TNR: variants seen among roughly 807,000 people sequenced by gnomAD.
TNR encodes the protein tenascin R.
A neutral mutation model predicts 150.4 loss-of-function variants in TNR; 45 were observed. The observed-to-expected ratio is 0.30, with a 90% CI of 0.24 to 0.38. The LOEUF (loss-of-function observed/expected upper bound fraction) is 0.38. Ranked by LOEUF, TNR falls within the 10% of genes least tolerant of loss-of-function variation. The pLI is 1.00. For synonymous variants in TNR, 687 were observed against 678.4 expected (o/e 1.01, Z -0.20); for missense variants, 1,544 against 1,759.1 (o/e 0.88, Z 2.19).
At chr1:175,447,842 A>G (rs1480334549) in intron 2 of TNR, among the ~76,000 whole-genome samples, 1 of 152,210 alleles carries the variant, frequency 6.6e-6, no homozygotes, top group Non-Finnish European at 1.5e-5. Context: ...ATTTCATTCC[A>G]ACACATGTAA....
rs1475540860 is a variant in TNR, at chr1:175,724,068, AG to A, written c.-165+19157del. 2.0e-5 allele frequency among the ~76,000 whole-genome samples: 3 copies of A among 152,194 alleles called. No individual in the cohort carries two copies. In the East Asian group the frequency reaches 5.8e-4, roughly 29 times the overall value. On this transcript the variant is annotated intron_variant, in intron 1 of 22. Transcript: ENST00000367674. ...AATTCTAAACCCTCCAAAAGTGAGG[AG>A]ATTATTACCATTAAGTCAGGAAAGC...
At chr1:175,508,880 A>G (rs972663782) in intron 2 of TNR, among the ~76,000 whole-genome samples, 6 of 152,170 alleles carry the variant, frequency 3.9e-5, no homozygotes, top group Non-Finnish European at 8.8e-5. Context: ...ACAATCATGT[A>G]CTCAAAACGA....
At chr1:175,573,909 G>T (rs990539774) in intron 1 of TNR, among the ~76,000 whole-genome samples, 1 of 152,222 alleles carries the variant, frequency 6.6e-6, no homozygotes, top group Non-Finnish European at 1.5e-5. Context: ...CCACAATAAG[G>T]CTTGGCATGA....
At position 175,657,853 on chromosome 1, in the gene TNR, G is replaced by GTATATATATATATA. The variant is rs59315046; in HGVS notation, c.-165+85359_-165+85372dup. 2.2e-3 allele frequency among the ~76,000 whole-genome samples: 152 copies of GTATATATATATATA among 70,454 alleles called. 1 individual carries two copies. The highest frequency in any genetic ancestry group is 2.9e-3 in the African/African-American group (49 of 16,984). 46.2% of individuals were successfully genotyped at this position (70,454 alleles called of 152,430 possible). A position where few individuals can be genotyped will look rare whatever the true frequency, so the allele number is the denominator to read the frequency against. On this transcript the variant is annotated intron_variant, in intron 1 of 22. Transcript: ENST00000367674. ...GGTGCAGCACACCAACATGGAACAT[G>GTATATATATATATA]TATATATATATATATATATATATAT...
At chr1:175,432,241 T>C (rs1052306921) in intron 2 of TNR, among the ~76,000 whole-genome samples, 2 of 152,096 alleles carry the variant, frequency 1.3e-5, no homozygotes, top group African/African-American at 4.8e-5. Context: ...ACTCTGAGAA[T>C]TGTCTGGTGA....
intron 2 of TNR, among the ~76,000 whole-genome samples, chr1:175,434,945 C>A (rs1165416773): frequency 6.6e-6 from 1 of 152,194 alleles, no homozygotes; most frequent in Non-Finnish European, 1.5e-5. Context: ...GTAATAGTTT[C>A]TCCTTTTCAC....
chr1:175,625,237 C>A (rs1571688968), intron 1 of TNR, among the ~76,000 whole-genome samples: 1 of 152,164 alleles, frequency 6.6e-6, no homozygotes, highest in Non-Finnish European at 1.5e-5. Context: ...CTGTGAAAAA[C>A]AACAGTGTGA....
intron 2 of TNR, among the ~76,000 whole-genome samples, chr1:175,486,708 C>T (rs1257817509): frequency 6.6e-6 from 1 of 152,172 alleles, no homozygotes; most frequent in Non-Finnish European, 1.5e-5. Context: ...CACTGTCTTC[C>T]ACAATGGTTG....
At chr1:175,398,255 A>T (rs1306065668) in intron 4 of TNR, among the ~76,000 whole-genome samples, 1 of 152,236 alleles carries the variant, frequency 6.6e-6, no homozygotes, top group Non-Finnish European at 1.5e-5. Flanking sequence ...ATTTGCTTCA[A>T]TTACTTTTGC....
chr1:175,359,513 C>G (rs1156991058), intron 15 of TNR, 99 bp downstream of exon 15: 2 of 1,588,084 alleles, frequency 1.3e-6, no homozygotes, highest in African/African-American at 2.7e-5. Context: ...ATCTGTCCTT[C>G]AGATTGAAAA....
intron 2 of TNR, among the ~76,000 whole-genome samples, chr1:175,526,393 C>T (rs1659848800): frequency 6.6e-6 from 1 of 152,132 alleles, no homozygotes; most frequent in African/African-American, 2.4e-5. Flanking sequence ...GCCCCTTCCC[C>T]CAGATTACCA....
chr1:175,590,464 G>T lies in TNR; in HGVS notation c.-164-62095C>A, dbSNP rs59094556. 3.6e-3 allele frequency among the ~76,000 whole-genome samples: 541 copies of T among 152,324 alleles called. 4 individuals carry two copies. Among genetic ancestry groups the T allele is most frequent in the African/African-American group, 0.012 (515 of 41,556 alleles). ...CTCACCTAACTTTAGACCTGGTCCT[G>T]TTGAGGCATTGGTAAAGGCAGAGGA... On this transcript the variant is annotated intron_variant, in intron 1 of 22. Coordinates refer to ENST00000367674, the MANE Select transcript of TNR (RefSeq NM_003285.3).
At chr1:175,683,455 C>T (rs1386923818) in intron 1 of TNR, among the ~76,000 whole-genome samples, 2 of 152,210 alleles carry the variant, frequency 1.3e-5, no homozygotes, top group Non-Finnish European at 2.9e-5. Flanking sequence ...GATTCCACCA[C>T]CATCCTTCTC....
intron 1 of TNR, among the ~76,000 whole-genome samples, chr1:175,689,491 A>T (rs1237947792): frequency 6.6e-6 from 1 of 152,158 alleles, no homozygotes; most frequent in African/African-American, 2.4e-5. Context: ...GCATGTTTTC[A>T]TTAACGCAGG....
intron 1 of TNR, among the ~76,000 whole-genome samples, chr1:175,729,713 T>C (rs138490121): frequency 2.0e-5 from 3 of 152,276 alleles, no homozygotes; most frequent in African/African-American, 7.2e-5. Context: ...GTCATTTTTA[T>C]GAAACTATCT....
chr1:175,693,951 C>T (rs1189586580), intron 1 of TNR, among the ~76,000 whole-genome samples: 2 of 152,156 alleles, frequency 1.3e-5, no homozygotes, highest in Admixed American at 1.3e-4. Context: ...CTGAGGAATG[C>T]CTTTAAATTC....
chr1:175,547,609 GAAACAAAGAAACAA>G (rs1474360503), intron 1 of TNR, among the ~76,000 whole-genome samples: 42 of 23,128 alleles, frequency 1.8e-3, no homozygotes, highest in African/African-American at 3.4e-3. Flanking sequence ...AAGAAAGAAA[GAAACAAAGAAACAA>G]AGAAAGAAAG....
intron 20 of TNR, chr1:175,335,496 T>C: frequency 9.9e-6 from 5 of 504,860 alleles, no homozygotes; most frequent in Non-Finnish European, 1.7e-5. Flanking sequence ...TTAATGAGGA[T>C]GGGAAGAGAC....
chr1:175,323,044 T>C lies in TNR; in HGVS notation c.*313A>G, dbSNP rs1474799101. ...AGAAAAATGTGTGTGCCTGTCACCATAACAATCTGCACCCCACGACTTGGC... is the reference window on the plus strand; with the variant it reads ...AGAAAAATGTGTGTGCCTGTCACCACAACAATCTGCACCCCACGACTTGGC... On this transcript the variant is annotated 3_prime_UTR_variant, in exon 23 of 23. Transcript: ENST00000367674. 4.4e-6 allele frequency: 1 copy of C among 225,082 alleles called. No homozygotes were observed. Among genetic ancestry groups the C allele is most frequent in the Non-Finnish European group, 8.7e-6 (1 of 114,726 alleles). 13.9% of individuals were successfully genotyped at this position (225,082 alleles called of 1,614,324 possible). A position where few individuals can be genotyped will look rare whatever the true frequency, so the allele number is the denominator to read the frequency against.
Sources: gnomAD v4.1 joint callset for allele counts (sites outside exome capture counted in the v4.1 genomes callset) on GRCh38, gnomAD v4.1.1 for gene constraint, MANE v1.5 for transcripts, NCBI Gene and HGNC (gene_info 2026-07-23, HGNC 2026-07-21) for gene names.